The following PC variants were observed in gnomAD, a reference collection of about 807,000 sequenced individuals.
PC encodes the protein pyruvate carboxylase, also known as pyruvate carboxylase, mitochondrial.
A neutral mutation model predicts 107.8 loss-of-function variants in PC; 46 were observed. The ratio of observed to expected loss-of-function variants is 0.43; its 90% CI spans 0.34 to 0.55. The LOEUF is 0.55. Ranked by LOEUF, PC falls within the 20% of genes least tolerant of loss-of-function variation. The pLI, the probability that PC is intolerant of heterozygous loss-of-function variation, is 0.04. For synonymous variants in PC, 662 were observed against 684.7 expected (o/e 0.97, Z 0.52); for missense variants, 1,241 against 1,643.1 (o/e 0.76, Z 4.23).
In PC at chr11:66,871,123, C is replaced by A; in HGVS notation, c.562G>T (p.Gly188Cys). Residue 188 changes from glycine (G) to cysteine (C), a missense_variant, in exon 7 of 23, where the codon GGC becomes TGC. Around this residue, in one of 2 missense-constraint regions of PC, gnomAD observed 1,143 missense variants for 1,551.9 expected, o/e 0.74. Coordinates refer to ENST00000393960, the MANE Select transcript of PC (RefSeq NM_001040716.2). This position sits in a 1 kb window ranked among gnomAD's most constrained non-coding sequence, Gnocchi z 7.4. Reference protein sequence around the residue: ...HEAHEFSNTYGFPIIFKAAYG... With the variant: ...HEAHEFSNTYCFPIIFKAAYG... ...GCCGCCTTGAAGATGATGGGGAAGC[C>A]GTAGGTGTTGGAGAACTCGTGGGCC... The A allele has an allele frequency of 2.5e-6, 4 of 1,613,896 alleles. No homozygotes were observed. Among genetic ancestry groups the A allele is most frequent in the Non-Finnish European group, 3.4e-6 (4 of 1,179,914 alleles).
At chr11:66,931,276 G>A (rs1451819427) in intron 3 of PC, among the ~76,000 whole-genome samples, 2 of 151,556 alleles carry the variant, frequency 1.3e-5, no homozygotes, top group Non-Finnish European at 2.9e-5. Context: ...CTACTCAGGA[G>A]GCTGAGGCAG....
intron 3 of PC, among the ~76,000 whole-genome samples, chr11:66,938,894 CAT>C (rs1949060148): frequency 6.6e-6 from 1 of 152,174 alleles, no homozygotes; most frequent in Admixed American, 6.6e-5. Context: ...GCTATCACCT[CAT>C]ATGTTTGCAC....
chr11:66,953,018 A>G (rs923179617), intron 2 of PC, among the ~76,000 whole-genome samples: 1 of 152,206 alleles, frequency 6.6e-6, no homozygotes, highest in African/African-American at 2.4e-5. Context: ...CCCATCTCAC[A>G]GCGTACTAGG....
rs984357699 is a variant in PC, at chr11:66,948,498, C to G, written c.-1+3932G>C. Among the ~76,000 whole-genome samples, 8 of 152,306 alleles carry G rather than the reference C, an allele frequency of 5.3e-5. No homozygotes were observed. In the South Asian group the frequency reaches 1.7e-3, roughly 32 times the overall value. ...TACACATATGTTAAAACTTACTAAA[C>G]TGTATACTTTAAATATGTGCAACTT... On this transcript the variant is annotated intron_variant, in intron 3 of 22. Coordinates refer to ENST00000393960, the MANE Select transcript of PC (RefSeq NM_001040716.2).
rs911589807 is a variant in PC at position 66,852,688 on chromosome 11, A to C, written c.1604-28T>G. The C allele has an allele frequency of 1.2e-6, 2 of 1,610,114 alleles. No individual in the cohort carries two copies. Among genetic ancestry groups the C allele is most frequent in the Non-Finnish European group, 1.7e-6 (2 of 1,176,638 alleles). ...AGGGTAGACAGGGGCATTGGTGCCCATCCTGCAGGTGGCAACCTCCTGTCT... is the reference window on the plus strand; with the variant it reads ...AGGGTAGACAGGGGCATTGGTGCCCCTCCTGCAGGTGGCAACCTCCTGTCT... On this transcript the variant is annotated intron_variant, in intron 14 of 22. Coordinates refer to ENST00000393960, the MANE Select transcript of PC (RefSeq NM_001040716.2). The surrounding 1 kb of genome is among the most constrained non-coding windows in gnomAD (Gnocchi z 4.7).
At chr11:66,895,817 A>G (rs1336640965) in intron 3 of PC, among the ~76,000 whole-genome samples, 1 of 152,206 alleles carries the variant, frequency 6.6e-6, no homozygotes, top group Non-Finnish European at 1.5e-5. Flanking sequence ...GAATGTTTCA[A>G]GAAACTCCCA....
intron 3 of PC, among the ~76,000 whole-genome samples, chr11:66,880,977 C>G (rs1297166068): frequency 1.3e-5 from 2 of 152,218 alleles, no homozygotes; most frequent in East Asian, 3.8e-4. Flanking sequence ...AGGGAGGCTG[C>G]TAGAGCCCCA....
chr11:66,930,741 T>TAA (rs34424812), intron 3 of PC, among the ~76,000 whole-genome samples: 7 of 99,258 alleles, frequency 7.1e-5, no homozygotes, highest in Admixed American at 1.1e-4. Flanking sequence ...GACTCTGTCT[T>TAA]AAAAAAAAAA....
chr11:66,854,651 C>T (rs992541411), intron 12 of PC, among the ~76,000 whole-genome samples: 27 of 152,190 alleles, frequency 1.8e-4, no homozygotes, highest in Admixed American at 9.8e-4. Context: ...GCGAAGAAAA[C>T]ACCTCCACGC....
At chr11:66,939,092 T>G (rs567016011) in intron 3 of PC, among the ~76,000 whole-genome samples, 5 of 152,354 alleles carry the variant, frequency 3.3e-5, no homozygotes, top group African/African-American at 1.2e-4. Flanking sequence ...CTTCGTTTAC[T>G]ATATGGTCAG....
intron 3 of PC, among the ~76,000 whole-genome samples, chr11:66,915,276 C>G (rs1000307936): frequency 2.6e-5 from 4 of 152,212 alleles, no homozygotes. Context: ...CAAGGCACTG[C>G]CTGCTGCGAG....
chr11:66,861,440 C>T (rs1041905250), intron 12 of PC, among the ~76,000 whole-genome samples: 2 of 152,198 alleles, frequency 1.3e-5, no homozygotes, highest in African/African-American at 2.4e-5. Context: ...ACCGGGCAGC[C>T]GAGGTGAGGC....
At chr11:66,903,791 T>TACACAC (rs1555039134) in intron 3 of PC, among the ~76,000 whole-genome samples, 14 of 120,416 alleles carry the variant, frequency 1.2e-4, no homozygotes, top group African/African-American at 4.4e-4. Flanking sequence ...TATATATATA[T>TACACAC]ACACACACCC....
At chr11:66,873,037 A>G (rs76014830) in intron 3 of PC, among the ~76,000 whole-genome samples, 2 of 142,318 alleles carry the variant, frequency 1.4e-5, no homozygotes, top group South Asian at 2.3e-4. Flanking sequence ...CTGTCCCAGG[A>G]AAAAAAAAAA....
chr11:66,858,107 T>A lies in PC; in HGVS notation c.1369-4724A>T. On this transcript the variant is annotated intron_variant, in intron 12 of 22. Transcript: ENST00000393960. The surrounding 1 kb of genome is among the most constrained non-coding windows in gnomAD (Gnocchi z 5.9). ...CCGGGAGCCTCCGGGGCCCCGTCAA[T>A]CTGCAGCACCTCATCCTCAGCGGCA... 1 of 1,609,928 alleles carries A rather than the reference T, an allele frequency of 6.2e-7. No homozygotes were observed.
At chr11:66,889,484 C>T (rs1947489881) in intron 3 of PC, among the ~76,000 whole-genome samples, 1 of 152,084 alleles carries the variant, frequency 6.6e-6, no homozygotes, top group African/African-American at 2.4e-5. Context: ...AATTCTCCCA[C>T]CTCAGCCTCC....
At position 66,866,285 on chromosome 11, in the gene PC, G is replaced by C. The variant is rs757720464; in HGVS notation, c.1087C>G (p.Arg363Gly). 2.5e-6 allele frequency: 4 copies of C among 1,613,126 alleles called. No individual in the cohort carries two copies. The African/African-American group carries it at 4.0e-5, about 16-fold the overall frequency. Reference protein sequence around the residue: ...EGRSLPDLGLRQENIRINGCA... With the variant: ...EGRSLPDLGLGQENIRINGCA... ...CCGTTGATGCGGATGTTCTCCTGCC[G>C]CAGGCCCAGGTCGGGTAGGCTCCTG... Residue 363 changes from arginine to glycine, a missense_variant, in exon 11 of 23, where the codon CGG (arginine) becomes GGG (glycine). Physicochemically the swap from Arg to Gly is moderately radical, Grantham distance 125. Coordinates refer to ENST00000393960, the MANE Select transcript of PC (RefSeq NM_001040716.2). The surrounding 1 kb of genome is among the most constrained non-coding windows in gnomAD (Gnocchi z 5.4).
Position 66,870,552 on chromosome 11 carries a change from G to A in PC, c.752-99C>T, listed in dbSNP as rs1051986127. On this transcript the variant is annotated intron_variant, in intron 8 of 22. Coordinates refer to ENST00000393960, the MANE Select transcript of PC (RefSeq NM_001040716.2). The surrounding 1 kb of genome is among the most constrained non-coding windows in gnomAD (Gnocchi z 6.1). ...ATAACCACTGTCGCCAGTCAGTGCC[G>A]GCTGCCAGCGGTACAGAGGCTGCCA... The A allele has an allele frequency of 2.5e-5, 35 of 1,384,900 alleles. No homozygotes were observed. The highest frequency in any genetic ancestry group is 1.2e-4 in the South Asian group (10 of 84,598). The allele number at this position is 1,384,900 out of a possible 1,614,324, so 85.8% of individuals were successfully genotyped here. A position where few individuals can be genotyped will look rare whatever the true frequency, so the allele number is the denominator to read the frequency against.
At chr11:66,944,840 G>A (rs1406860481) in intron 3 of PC, among the ~76,000 whole-genome samples, 3 of 116,414 alleles carry the variant, frequency 2.6e-5, no homozygotes, top group Non-Finnish European at 5.7e-5. Context: ...AGACATCAAC[G>A]GAGAGGTCAA....
Sources: gnomAD v4.1 joint callset for allele counts (sites outside exome capture counted in the v4.1 genomes callset) on GRCh38, gnomAD v4.1.1 for gene constraint, gnomAD v4.1.1 regional missense constraint, Gnocchi (gnomAD v3.1) non-coding constraint, MANE v1.5 for transcripts, NCBI Gene and HGNC (gene_info 2026-07-23, HGNC 2026-07-21) for gene names.